SNTG1: variants seen among roughly 807,000 people sequenced by gnomAD.
SNTG1 encodes the protein syntrophin gamma 1.
A neutral mutation model predicts 74.7 loss-of-function variants in SNTG1; 39 were observed. The ratio of observed to expected loss-of-function variants is 0.52; its 90% confidence interval spans 0.40 to 0.68. The LOEUF is 0.68. SNTG1 is among the 30% of genes least tolerant of loss of function. SNTG1 has a pLI of 0.00. For missense variants in SNTG1, 685 were observed against 609.5 expected, an observed-to-expected ratio of 1.12 and a Z score of -1.30; for synonymous variants, 254 against 217.1, an observed-to-expected ratio of 1.17 and a Z score of -1.49.
chr8:50,210,343 G>A (rs552319027), intron 2 of SNTG1, among the ~76,000 whole-genome samples: 1 of 152,238 alleles, frequency 6.6e-6, no homozygotes, highest in South Asian at 2.1e-4. Context: ...ACCTAGCAAG[G>A]CAGGCCAACA....
chr8:50,383,516 T>G (rs555373380), intron 2 of SNTG1, among the ~76,000 whole-genome samples: 1 of 152,256 alleles, frequency 6.6e-6, no homozygotes, highest in East Asian at 1.9e-4. Flanking sequence ...GAGAAAGAAA[T>G]AACAATTACA....
intron 13 of SNTG1, among the ~76,000 whole-genome samples, chr8:50,617,591 G>T (rs559052958): frequency 2.0e-5 from 3 of 152,122 alleles, no homozygotes; most frequent in African/African-American, 7.2e-5. Flanking sequence ...AGAAGGAAGG[G>T]GTGTATTCGG....
chr8:49,938,558 T>TTTTCC lies in SNTG1; in HGVS notation c.-103+26331_-103+26332insCTTTC, dbSNP rs1808309508. Among the ~76,000 whole-genome samples, 10 of 24,728 alleles carry TTTTCC rather than the reference T, an allele frequency of 4.0e-4. No individual in the cohort carries two copies. In the Admixed American group the frequency reaches 5.1e-3, roughly 13 times the overall value. The allele number at this position is 24,728 out of a possible 152,430, so 16.2% of individuals were successfully genotyped here. ...TCTTACCATGCCTTCTTTTCTTTTGTTTTCTTTTCTTTTCTTTTCTTTTCT... is the reference window on the plus strand; with the variant it reads ...TCTTACCATGCCTTCTTTTCTTTTGTTTTCCTTTCTTTTCTTTTCTTTTCTTTTCT... On this transcript the variant is annotated intron_variant, in intron 1 of 18. Coordinates refer to ENST00000642720, the MANE Select transcript of SNTG1 (RefSeq NM_018967.5).
At chr8:50,440,552 A>G (rs2093349113) in intron 5 of SNTG1, among the ~76,000 whole-genome samples, 1 of 152,194 alleles carries the variant, frequency 6.6e-6, no homozygotes, top group African/African-American at 2.4e-5. Context: ...TAAAAATATC[A>G]TTCTAGGCTA....
chr8:50,791,097 A>C (rs1453118751), intron 18 of SNTG1, among the ~76,000 whole-genome samples: 2 of 151,936 alleles, frequency 1.3e-5, no homozygotes, highest in Non-Finnish European at 2.9e-5. Context: ...GGTGGATTTA[A>C]TTTGGGAAGA....
At chr8:50,660,410 AAAAGAAAGAAAGAAAGAAGAAAG>A (rs2095215071) in intron 15 of SNTG1, among the ~76,000 whole-genome samples, 2 of 3,580 alleles carry the variant, frequency 5.6e-4, no homozygotes, top group Non-Finnish European at 1.5e-3. Context: ...AGAAAGAAAG[AAAAGAAAGAAAGAAAGAAGAAAG>A]AAAGAAAGAG....
chr8:50,154,582 A>ATAAG (rs1457595930), intron 1 of SNTG1, among the ~76,000 whole-genome samples: 54 of 152,172 alleles, frequency 3.5e-4, no homozygotes, highest in Non-Finnish European at 4.1e-4. Context: ...GTTACCAGAA[A>ATAAG]TAAGTCCTGT....
At chr8:49,946,398 A>AT (rs1809191419) in intron 1 of SNTG1, among the ~76,000 whole-genome samples, 1 of 151,886 alleles carries the variant, frequency 6.6e-6, no homozygotes, top group African/African-American at 2.4e-5. Flanking sequence ...AATCTTGAAA[A>AT]CTCTGGGAGA....
At chr8:50,402,473 C>A in intron 4 of SNTG1, 129 bp downstream of exon 4, 4 of 1,158,590 alleles carry the variant, frequency 3.5e-6, no homozygotes, top group South Asian at 3.2e-5. Flanking sequence ...GGAATTTTTG[C>A]TTACATCATT....
chr8:50,265,201 A>C (rs2130171097), intron 2 of SNTG1, among the ~76,000 whole-genome samples: 1 of 152,224 alleles, frequency 6.6e-6, no homozygotes, highest in African/African-American at 2.4e-5. Flanking sequence ...CCACCAAATA[A>C]TTTTTATGAA....
At chr8:50,142,017 A>G (rs999288299) in intron 1 of SNTG1, among the ~76,000 whole-genome samples, 2 of 152,146 alleles carry the variant, frequency 1.3e-5, no homozygotes, top group African/African-American at 4.8e-5. Context: ...AAATCAGCTC[A>G]CACTCTATTT....
intron 4 of SNTG1, among the ~76,000 whole-genome samples, chr8:50,426,591 T>C (rs2131496533): frequency 6.6e-6 from 1 of 152,086 alleles, no homozygotes; most frequent in Non-Finnish European, 1.5e-5. Context: ...TATAAACTTT[T>C]TACTTTATAA....
chr8:50,407,619 C>G (rs957856446), intron 4 of SNTG1, among the ~76,000 whole-genome samples: 1 of 152,188 alleles, frequency 6.6e-6, no homozygotes, highest in Non-Finnish European at 1.5e-5. Flanking sequence ...CTTGCTCAGG[C>G]TGAAAGAAAG....
At chr8:50,589,774 T>C (rs1323870256) in intron 12 of SNTG1, among the ~76,000 whole-genome samples, 1 of 152,110 alleles carries the variant, frequency 6.6e-6, no homozygotes, top group Non-Finnish European at 1.5e-5. Context: ...TGTTTAGAGA[T>C]CAGTTTTTTC....
intron 18 of SNTG1, among the ~76,000 whole-genome samples, chr8:50,777,528 T>C (rs1227169994): frequency 6.6e-6 from 1 of 151,502 alleles, no homozygotes; most frequent in African/African-American, 2.4e-5. Context: ...ACACTTTCAT[T>C]TGTTCTAAGC....
intron 11 of SNTG1, among the ~76,000 whole-genome samples, chr8:50,546,052 G>A (rs2094385402): frequency 6.6e-6 from 1 of 151,988 alleles, no homozygotes; most frequent in Non-Finnish European, 1.5e-5. Context: ...GAAAAAAGTA[G>A]GTAGGAAGAA....
intron 8 of SNTG1, among the ~76,000 whole-genome samples, chr8:50,481,196 C>G (rs2093737200): frequency 6.6e-6 from 1 of 152,138 alleles, no homozygotes; most frequent in Non-Finnish European, 1.5e-5. Context: ...TCCTGGCCAA[C>G]ATGGTGAAAT....
intron 1 of SNTG1, among the ~76,000 whole-genome samples, chr8:50,057,012 G>A (rs547809699): frequency 6.6e-6 from 1 of 152,230 alleles, no homozygotes; most frequent in African/African-American, 2.4e-5. Flanking sequence ...GTATATTGTT[G>A]CAAGAGATAA....
At chr8:50,509,816 G>A (rs888409637) in intron 9 of SNTG1, among the ~76,000 whole-genome samples, 1 of 152,084 alleles carries the variant, frequency 6.6e-6, no homozygotes, top group African/African-American at 2.4e-5. Flanking sequence ...GAGATTTTGG[G>A]CTGAGATGAT....
Sources: allele counts gnomAD v4.1 joint callset (sites outside exome capture counted in the v4.1 genomes callset), GRCh38; gene constraint gnomAD v4.1.1; transcripts MANE v1.5; gene names NCBI Gene and HGNC (gene_info 2026-07-23, HGNC 2026-07-21).